Variants in ROBO1 observed in about 807,000 individuals in gnomAD.
ROBO1 encodes roundabout guidance receptor 1, also known as roundabout homolog 1.
A neutral mutation model predicts 195.9 loss-of-function variants in ROBO1; 149 were observed. That is an observed-to-expected ratio of 0.76 (90% CI 0.67 to 0.87). The LOEUF (loss-of-function observed/expected upper bound fraction) is 0.87, where lower values mean the gene tolerates loss of function less well. Among genes scored for constraint, ROBO1 ranks in the 40% least tolerant of loss-of-function variants. The pLI, the probability that ROBO1 is intolerant of heterozygous loss-of-function variation, is 0.00. For missense variants in ROBO1, 1,933 were observed against 2,068.3 expected (o/e 0.93, Z 1.27); for synonymous variants, 816 against 733.2 (o/e 1.11, Z -1.82).
At chr3:79,300,331 C>T (rs534115163) in intron 2 of ROBO1, among the ~76,000 whole-genome samples, 24 of 152,328 alleles carry the variant, frequency 1.6e-4, no homozygotes, top group East Asian at 5.8e-4. Flanking sequence ...CCGGCCCTGC[C>T]GGCCCCAGGC....
intron 3 of ROBO1, among the ~76,000 whole-genome samples, chr3:79,035,387 A>G (rs1005805875): frequency 6.6e-6 from 1 of 152,188 alleles, no homozygotes; most frequent in Non-Finnish European, 1.5e-5. Flanking sequence ...ATGTTAAAAT[A>G]GAAAGCTGGC....
At chr3:79,245,524 A>C (rs1219224050) in intron 2 of ROBO1, among the ~76,000 whole-genome samples, 1 of 152,022 alleles carries the variant, frequency 6.6e-6, no homozygotes, top group Non-Finnish European at 1.5e-5. Flanking sequence ...AGGTCTTTCC[A>C]GATATGTGTT....
At chr3:78,992,827 A>C (rs1280021712) in intron 3 of ROBO1, among the ~76,000 whole-genome samples, 3 of 152,182 alleles carry the variant, frequency 2.0e-5, no homozygotes, top group Non-Finnish European at 2.9e-5. Flanking sequence ...GTCTGTGTAC[A>C]CCTAGTGTTT....
chr3:78,923,805 CT>C (rs752779974), intron 4 of ROBO1, among the ~76,000 whole-genome samples: 14 of 152,086 alleles, frequency 9.2e-5, no homozygotes, highest in Non-Finnish European at 1.5e-4. Context: ...AACTGATTTC[CT>C]GAGTTCCTCT....
intron 2 of ROBO1, among the ~76,000 whole-genome samples, chr3:79,390,941 G>C (rs1263144375): frequency 6.6e-6 from 1 of 151,868 alleles, no homozygotes; most frequent in African/African-American, 2.4e-5. Context: ...GATGAAAGAA[G>C]AACGCTTTAA....
At chr3:79,361,413 T>C (rs2035765318) in intron 2 of ROBO1, among the ~76,000 whole-genome samples, 1 of 151,974 alleles carries the variant, frequency 6.6e-6, no homozygotes, top group Non-Finnish European at 1.5e-5. Flanking sequence ...ATAAATATTG[T>C]CACTGAAAAG....
At chr3:79,349,471 GATAA>G (rs2109258396) in intron 2 of ROBO1, among the ~76,000 whole-genome samples, 1 of 152,180 alleles carries the variant, frequency 6.6e-6, no homozygotes, top group Non-Finnish European at 1.5e-5. Context: ...AAAATAGATA[GATAA>G]ATAGATGATA....
At chr3:79,566,183 C>G (rs59543711) in intron 2 of ROBO1, among the ~76,000 whole-genome samples, 10,996 of 152,182 alleles carry the variant, frequency 0.072, 417 homozygotes, top group East Asian at 0.11. Flanking sequence ...AGTCTTTTCT[C>G]TTTTGCAAGA....
At chr3:78,918,013 G>C (rs961029467) in intron 4 of ROBO1, among the ~76,000 whole-genome samples, 7 of 152,148 alleles carry the variant, frequency 4.6e-5, no homozygotes, top group Non-Finnish European at 1.0e-4. Context: ...ATGTAGCCCA[G>C]AAATGCACAT....
intron 1 of ROBO1, among the ~76,000 whole-genome samples, chr3:79,597,198 C>T (rs1039390199): frequency 9.2e-5 from 14 of 151,730 alleles, no homozygotes; most frequent in Non-Finnish European, 1.8e-4. Context: ...GTAGATAATA[C>T]GGTGTGTATA....
At chr3:78,633,271 T>G (rs1478283895) in intron 24 of ROBO1, among the ~76,000 whole-genome samples, 2 of 152,114 alleles carry the variant, frequency 1.3e-5, no homozygotes, top group African/African-American at 4.8e-5. Context: ...CTGCCTTTAA[T>G]TAGAAAAACA....
chr3:79,680,225 T>C (rs73849487), intron 1 of ROBO1, among the ~76,000 whole-genome samples: 1 of 151,914 alleles, frequency 6.6e-6, no homozygotes, highest in Non-Finnish European at 1.5e-5. Flanking sequence ...CTTAGCTCAC[T>C]GGCCAGAGCT....
At chr3:79,595,297 AT>A (rs1027066861) in intron 1 of ROBO1, among the ~76,000 whole-genome samples, 7 of 152,030 alleles carry the variant, frequency 4.6e-5, no homozygotes, top group South Asian at 2.1e-4. Flanking sequence ...AAAGTAAAAA[AT>A]GTTTCATATA....
chr3:78,910,561 A>G (rs1022667213), intron 4 of ROBO1, among the ~76,000 whole-genome samples: 1 of 151,990 alleles, frequency 6.6e-6, no homozygotes, highest in African/African-American at 2.4e-5. Flanking sequence ...ATATTAGGGC[A>G]ATCTTGTAGA....
chr3:78,983,222 C>G (rs1410755820), intron 3 of ROBO1, among the ~76,000 whole-genome samples: 1 of 152,186 alleles, frequency 6.6e-6, no homozygotes, highest in Non-Finnish European at 1.5e-5. Flanking sequence ...TCGCAGCTAT[C>G]TATTAGAGCT....
intron 3 of ROBO1, among the ~76,000 whole-genome samples, chr3:79,015,607 C>G (rs1030185191): frequency 2.0e-5 from 3 of 152,056 alleles, no homozygotes; most frequent in Non-Finnish European, 2.9e-5. Context: ...CCTCCCACCC[C>G]GCAAACTCAC....
At chr3:79,180,881 A>G (rs891479910) in intron 2 of ROBO1, among the ~76,000 whole-genome samples, 2 of 152,102 alleles carry the variant, frequency 1.3e-5, no homozygotes, top group Non-Finnish European at 2.9e-5. Context: ...AGGATCAGTG[A>G]TTTCCATTCA....
intron 2 of ROBO1, among the ~76,000 whole-genome samples, chr3:79,563,636 TAAAA>T (rs1942997065): frequency 6.6e-6 from 1 of 152,098 alleles, no homozygotes; most frequent in South Asian, 2.1e-4. Flanking sequence ...AGCTTGATGA[TAAAA>T]CCTAAAGATC....
chr3:78,660,793 A>AT (rs1193012690), intron 16 of ROBO1: 4 of 391,020 alleles, frequency 1.0e-5, no homozygotes, highest in Non-Finnish European at 1.8e-5. Context: ...CCATTAAGTA[A>AT]TATAATGTTC....
Sources: gnomAD v4.1 joint callset for allele counts (sites outside exome capture counted in the v4.1 genomes callset) on GRCh38, gnomAD v4.1.1 for gene constraint, MANE v1.5 for transcripts, NCBI Gene and HGNC (gene_info 2026-07-23, HGNC 2026-07-21) for gene names.